Variants in SRGN observed in about 807,000 individuals in gnomAD.
The protein encoded by SRGN is hematopoetic proteoglycan core peptide.
Under a neutral mutation model 9.5 loss-of-function variants are expected in SRGN, and 2 were observed. That is an observed-to-expected ratio of 0.21 (90% CI 0.09 to 0.66). SRGN has a LOEUF of 0.66. Ranked by LOEUF, SRGN falls within the 30% of genes least tolerant of loss-of-function variation. The pLI, the probability that SRGN is intolerant of heterozygous loss-of-function variation, is 0.83. For missense variants in SRGN, 170 were observed against 192.4 expected (o/e 0.88, Z 0.69); for synonymous variants, 59 against 72.3 (o/e 0.82, Z 0.93).
At chr10:69,089,680 G>C (rs1013645913) in intron 1 of SRGN, among the ~76,000 whole-genome samples, 3 of 152,150 alleles carry the variant, frequency 2.0e-5, no homozygotes, top group Admixed American at 6.6e-5. Context: ...CAGATCATGA[G>C]GTCAGGAGTT....
chr10:69,087,643 C>T (rs1034051149), upstream of SRGN, among the ~76,000 whole-genome samples: 12 of 151,352 alleles, frequency 7.9e-5, no homozygotes, highest in East Asian at 5.8e-4. Context: ...TTTCACTTCA[C>T]GAGCTTGGCT....
chr10:69,092,036 C>T (rs1840074473), intron 1 of SRGN, among the ~76,000 whole-genome samples: 1 of 149,998 alleles, frequency 6.7e-6, no homozygotes, highest in African/African-American at 2.5e-5. Context: ...AACATTTACT[C>T]ATAGAAAGTA....
chr10:69,099,309 G>GTTTTTT (rs59142650), intron 2 of SRGN, among the ~76,000 whole-genome samples: 1 of 138,914 alleles, frequency 7.2e-6, no homozygotes, highest in East Asian at 2.1e-4. Flanking sequence ...TTTCTCTTTT[G>GTTTTTT]TTTTTTTTTT....
intron 2 of SRGN, chr10:69,098,694 C>T (rs879752132): frequency 2.0e-5 from 3 of 152,192 alleles, no homozygotes; most frequent in Non-Finnish European, 2.9e-5. Flanking sequence ...TGCAGAGGCT[C>T]ATGCCTGTAA....
chr10:69,094,465 T>G (rs1330885441), intron 1 of SRGN, among the ~76,000 whole-genome samples: 1 of 152,228 alleles, frequency 6.6e-6, no homozygotes, highest in Non-Finnish European at 1.5e-5. Context: ...TCACCAAAGA[T>G]TCTACCTCCA....
chr10:69,094,499 A>AT lies in SRGN; in HGVS notation c.80-2580dup, dbSNP rs370320691. Among the ~76,000 whole-genome samples the AT allele has an allele frequency of 4.9e-3, 743 of 152,134 alleles. 2 individuals carry two copies. The highest frequency in any genetic ancestry group is 0.01 in the Middle Eastern group (3 of 294). On this transcript the variant is annotated intron_variant, in intron 1 of 2. Coordinates refer to ENST00000242465, the MANE Select transcript of SRGN (RefSeq NM_002727.4). The stretch of plus-strand genomic sequence containing the variant: ...CAGTTATTTTTGTGTATTTCCTTCC[A>AT]TTTTTCCCCCCATGTCTGTTTATAT...
chr10:69,096,788 C>T (rs1290169291), intron 1 of SRGN, among the ~76,000 whole-genome samples: 1 of 152,068 alleles, frequency 6.6e-6, no homozygotes, highest in Non-Finnish European at 1.5e-5. Context: ...CCAGCCTGGG[C>T]ACATAGTGAG....
At chr10:69,104,806 G>C (rs1276270757), downstream of SRGN, 1 of 152,098 alleles carries the variant, frequency 6.6e-6, no homozygotes, top group Non-Finnish European at 1.5e-5. Context: ...TATAACCAAA[G>C]GTTAAGCTGT....
chr10:69,097,426 A>ATTT (rs1564660966), intron 2 of SRGN, among the ~76,000 whole-genome samples, 195 bp downstream of exon 2: 1 of 38,546 alleles, frequency 2.6e-5, no homozygotes, highest in Non-Finnish European at 9.8e-5. Context: ...ATGCCCAGCT[A>ATTT]ATTTTTTTTT....
At chr10:69,093,847 C>T (rs898191213) in intron 1 of SRGN, among the ~76,000 whole-genome samples, 3 of 152,022 alleles carry the variant, frequency 2.0e-5, no homozygotes, top group African/African-American at 7.2e-5. Context: ...GCCTGGGCAA[C>T]AGAGCCAGAC....
intron 1 of SRGN, among the ~76,000 whole-genome samples, chr10:69,091,879 CAAAA>C (rs1177012248): frequency 2.0e-3 from 63 of 31,750 alleles, no homozygotes; most frequent in African/African-American, 4.6e-3. Context: ...GACTCTGTCT[CAAAA>C]AAAAAAAAAA....
chr10:69,092,657 G>A (rs1008823857), intron 1 of SRGN, among the ~76,000 whole-genome samples: 1 of 152,106 alleles, frequency 6.6e-6, no homozygotes, highest in Non-Finnish European at 1.5e-5. Context: ...AACTGGGCAT[G>A]GTGGTGTGCA....
At chr10:69,103,151 G>T (rs1218233244) in intron 2 of SRGN, among the ~76,000 whole-genome samples, 1 of 152,066 alleles carries the variant, frequency 6.6e-6, no homozygotes, top group African/African-American at 2.4e-5. Flanking sequence ...TGTTGGTCAG[G>T]CTGGTTTCGA....
intron 1 of SRGN, among the ~76,000 whole-genome samples, chr10:69,090,901 G>A (rs1840039186): frequency 6.6e-6 from 1 of 151,934 alleles, no homozygotes; most frequent in Non-Finnish European, 1.5e-5. Flanking sequence ...CACTTTTATT[G>A]CCTCTCTTTT....
chr10:69,091,058 A>C (rs1840042199), intron 1 of SRGN, among the ~76,000 whole-genome samples: 1 of 152,182 alleles, frequency 6.6e-6, no homozygotes, highest in African/African-American at 2.4e-5. Context: ...TTGTAAAGTG[A>C]TTTCACATCC....
chr10:69,097,134 A>G lies in SRGN; in HGVS notation c.130A>G (p.Ser44Gly). The G allele has an allele frequency of 6.2e-7, 1 of 1,614,210 alleles. No homozygotes were observed. Residue 44 changes from serine to glycine, a missense_variant, in exon 2 of 3, where the codon AGT (serine) becomes GGT (glycine). By Grantham distance (56) the Ser-to-Gly change is moderately conservative. Coordinates refer to ENST00000242465, the MANE Select transcript of SRGN (RefSeq NM_002727.4). ...RYQWVRCNPD[S>G]NSANCLEEKG... Reference sequence around the variant, plus strand: ...CCAATGGGTGCGCTGCAATCCAGACAGTAATTCTGCAAACTGCCTTGAAGA... The same window carrying G: ...CCAATGGGTGCGCTGCAATCCAGACGGTAATTCTGCAAACTGCCTTGAAGA...
chr10:69,091,530 C>A (rs892404927), intron 1 of SRGN, among the ~76,000 whole-genome samples: 5 of 152,080 alleles, frequency 3.3e-5, no homozygotes, highest in African/African-American at 1.2e-4. Flanking sequence ...TTTTCCCCTT[C>A]ATGGTAGTTG....
At chr10:69,103,678 C>T (rs955325226) in intron 2 of SRGN, among the ~76,000 whole-genome samples, 193 bp from the exon 3 acceptor site, 1 of 152,086 alleles carries the variant, frequency 6.6e-6, no homozygotes, top group South Asian at 2.1e-4. Flanking sequence ...TAAGTATAGG[C>T]AAACACATAG....
chr10:69,101,216 C>G (rs982416281), intron 2 of SRGN, among the ~76,000 whole-genome samples: 2 of 152,060 alleles, frequency 1.3e-5, no homozygotes, highest in South Asian at 4.1e-4. Flanking sequence ...CTGCCTGCCT[C>G]GTCCTCCCAA....
Sources: gnomAD v4.1 joint callset for allele counts (sites outside exome capture counted in the v4.1 genomes callset) on GRCh38, gnomAD v4.1.1 for gene constraint, MANE v1.5 for transcripts, NCBI Gene and HGNC (gene_info 2026-07-23, HGNC 2026-07-21) for gene names.